PAPPA2: variants seen among roughly 807,000 people sequenced by gnomAD.
PAPPA2 encodes the protein pappalysin-2.
Under a neutral mutation model 176.4 loss-of-function variants are expected in PAPPA2, and 86 were observed. The observed-to-expected ratio is 0.49, with a 90% CI of 0.41 to 0.58. The LOEUF is 0.58. Ranked by LOEUF, PAPPA2 falls within the 20% of genes least tolerant of loss-of-function variation. PAPPA2 has a pLI of 0.00. For synonymous variants in PAPPA2, 809 were observed against 852.2 expected (o/e 0.95, Z 0.88); for missense variants, 2,073 against 2,256.9 (o/e 0.92, Z 1.65).
chr1:176,794,479 A>T (rs565589284), intron 20 of PAPPA2, among the ~76,000 whole-genome samples: 2 of 152,346 alleles, frequency 1.3e-5, no homozygotes, highest in Admixed American at 1.3e-4. Context: ...ATCCCTGAAA[A>T]GATATCACTA....
intron 21 of PAPPA2, among the ~76,000 whole-genome samples, chr1:176,830,875 T>G (rs1409010080): frequency 1.3e-5 from 2 of 152,204 alleles, no homozygotes; most frequent in African/African-American, 4.8e-5. Context: ...CTGCTGCTGT[T>G]CCTGGGCAGC....
At chr1:176,529,809 T>G (rs1649707612) in intron 1 of PAPPA2, among the ~76,000 whole-genome samples, 1 of 152,178 alleles carries the variant, frequency 6.6e-6, no homozygotes, top group Non-Finnish European at 1.5e-5. Flanking sequence ...ACTTGCCTTT[T>G]TTATCAGCAA....
intron 3 of PAPPA2, among the ~76,000 whole-genome samples, chr1:176,659,981 T>A (rs1184714737): frequency 6.6e-6 from 1 of 152,128 alleles, no homozygotes; most frequent in East Asian, 1.9e-4. Flanking sequence ...AAATTTCAAA[T>A]ATTTAAACAA....
intron 1 of PAPPA2, among the ~76,000 whole-genome samples, chr1:176,528,909 A>C (rs1371227597): frequency 6.6e-6 from 1 of 152,158 alleles, no homozygotes; most frequent in Non-Finnish European, 1.5e-5. Flanking sequence ...ATCCTCGTGA[A>C]GCCTTCCTTG....
At chr1:176,840,421 G>A (rs921554263) in intron 22 of PAPPA2, 150 bp downstream of exon 22, 4 of 644,480 alleles carry the variant, frequency 6.2e-6, no homozygotes, top group Non-Finnish European at 1.1e-5. Flanking sequence ...AGCTTCTAAA[G>A]TGACAGGGTT....
chr1:176,483,931 C>A (rs1049792192), intron 1 of PAPPA2, among the ~76,000 whole-genome samples: 2 of 152,210 alleles, frequency 1.3e-5, no homozygotes, highest in African/African-American at 4.8e-5. Context: ...AATAGCAACT[C>A]TACCTTTGCA....
intron 2 of PAPPA2, among the ~76,000 whole-genome samples, chr1:176,560,411 C>T (rs886853923): frequency 4.6e-5 from 7 of 152,178 alleles, no homozygotes; most frequent in Admixed American, 4.6e-4. Context: ...GTCTCTCTGG[C>T]CCTCAGAAGG....
At chr1:176,670,880 G>C in intron 3 of PAPPA2, 90 bp from the exon 4 acceptor site, 1 of 1,512,526 alleles carries the variant, frequency 6.6e-7, no homozygotes. Flanking sequence ...CTGGCTGGGA[G>C]TGCCATTAGA....
intron 12 of PAPPA2, among the ~76,000 whole-genome samples, chr1:176,716,647 T>C (rs1384777168): frequency 6.7e-6 from 1 of 148,388 alleles, no homozygotes; most frequent in African/African-American, 2.5e-5. Flanking sequence ...AGTCTTGCTC[T>C]GTCACCCAGG....
chr1:176,549,320 C>T (rs1430080196), intron 1 of PAPPA2, among the ~76,000 whole-genome samples: 1 of 152,192 alleles, frequency 6.6e-6, no homozygotes, highest in Non-Finnish European at 1.5e-5. Context: ...TAGGTGCCCA[C>T]TGCTAATGTA....
chr1:176,782,708 G>A (rs942019475), intron 17 of PAPPA2, among the ~76,000 whole-genome samples: 6 of 152,138 alleles, frequency 3.9e-5, no homozygotes, highest in South Asian at 4.1e-4. Flanking sequence ...ACGGGACCTC[G>A]TAGGCTAAAG....
intron 3 of PAPPA2, among the ~76,000 whole-genome samples, chr1:176,611,517 GTCA>G (rs1654922144): frequency 1.3e-5 from 2 of 152,140 alleles, no homozygotes; most frequent in African/African-American, 2.4e-5. Flanking sequence ...AATGGGAAAA[GTCA>G]TCATCCCTAA....
chr1:176,810,005 A>G (rs889912981), intron 21 of PAPPA2, among the ~76,000 whole-genome samples: 1 of 142,664 alleles, frequency 7.0e-6, no homozygotes, highest in African/African-American at 2.7e-5. Flanking sequence ...TGTGTGTTAC[A>G]GTTCTTCCCA....
intron 1 of PAPPA2, among the ~76,000 whole-genome samples, chr1:176,476,560 T>C (rs941645919): frequency 6.6e-6 from 1 of 152,208 alleles, no homozygotes; most frequent in African/African-American, 2.4e-5. Flanking sequence ...AGAATCTGTC[T>C]GGCACGCCTG....
At chr1:176,555,249 A>G (rs553003387) in intron 1 of PAPPA2, among the ~76,000 whole-genome samples, 158 bp from the exon 2 acceptor site, 1 of 152,134 alleles carries the variant, frequency 6.6e-6, no homozygotes, top group South Asian at 2.1e-4. Context: ...TGACATCATC[A>G]TTGTCTTTAA....
Position 176,699,159 on chromosome 1 carries a change from C to T in PAPPA2, c.2806C>T (p.His936Tyr). 6.2e-7 allele frequency: 1 copy of T among 1,614,108 alleles called. No individual in the cohort carries two copies. Among genetic ancestry groups the T allele is most frequent in the Non-Finnish European group, 8.5e-7 (1 of 1,180,006 alleles). ...CTTACAGGCCTGGAGCCCTGAGGTC[C>T]ACCTGTACCACATGAACATGACGGT... Reference protein sequence around the residue: ...PSLQAWSPEVHLYHMNMTVPC... With the variant: ...PSLQAWSPEVYLYHMNMTVPC... The change falls in exon 8 of 23, where the codon CAC becomes TAC. Residue 936 changes from histidine (H) to tyrosine (Y), a missense_variant. Transcript: ENST00000367662.
At chr1:176,536,857 T>C (rs1650092632) in intron 1 of PAPPA2, among the ~76,000 whole-genome samples, 1 of 152,040 alleles carries the variant, frequency 6.6e-6, no homozygotes, top group Non-Finnish European at 1.5e-5. Flanking sequence ...CAAATGGCAT[T>C]GGATATGTAG....
chr1:176,755,430 T>G (rs1335133658), intron 14 of PAPPA2, among the ~76,000 whole-genome samples: 2 of 152,222 alleles, frequency 1.3e-5, no homozygotes, highest in African/African-American at 2.4e-5. Context: ...TGACACAGTC[T>G]GAAGCTCATG....
intron 21 of PAPPA2, among the ~76,000 whole-genome samples, chr1:176,828,779 G>A (rs1262708429): frequency 6.6e-6 from 1 of 152,014 alleles, no homozygotes; most frequent in African/African-American, 2.4e-5. Context: ...TGAGGTGGGT[G>A]AATCACGAGG....
Sources: gnomAD v4.1 joint callset for allele counts (sites outside exome capture counted in the v4.1 genomes callset) on GRCh38, gnomAD v4.1.1 for gene constraint, MANE v1.5 for transcripts, NCBI Gene and HGNC (gene_info 2026-07-23, HGNC 2026-07-21) for gene names.